The following MTUS2 variants were observed in gnomAD, a reference collection of about 807,000 sequenced individuals.
MTUS2 encodes microtubule-associated tumor suppressor candidate 2.
In MTUS2, 40 loss-of-function variants were observed where a neutral mutation model predicts 114.1. The ratio of observed to expected loss-of-function variants is 0.35; its 90% CI spans 0.27 to 0.46. The LOEUF (loss-of-function observed/expected upper bound fraction) is 0.46. Among genes scored for constraint, MTUS2 ranks in the 20% least tolerant of loss-of-function variants. The pLI, the probability that MTUS2 is intolerant of heterozygous loss-of-function variation, is 1.00. For synonymous variants in MTUS2, 688 were observed against 672.0 expected (o/e 1.02, Z -0.37); for missense variants, 1,679 against 1,705.4 (o/e 0.98, Z 0.27).
intron 8 of MTUS2, among the ~76,000 whole-genome samples, chr13:29,437,856 G>C (rs1225700488): frequency 6.6e-6 from 1 of 152,014 alleles, no homozygotes; most frequent in Non-Finnish European, 1.5e-5. Flanking sequence ...GCTGAGGTGT[G>C]AGGATACATT....
chr13:28,888,051 C>T (rs569004244), intron 2 of MTUS2, among the ~76,000 whole-genome samples: 2 of 152,300 alleles, frequency 1.3e-5, no homozygotes, highest in East Asian at 3.9e-4. Context: ...TTCTGTGAAA[C>T]CTTTCCTACC....
At chr13:29,451,286 G>GA (rs1008721509) in intron 9 of MTUS2, among the ~76,000 whole-genome samples, 34 of 149,328 alleles carry the variant, frequency 2.3e-4, no homozygotes, top group Admixed American at 3.3e-4. Flanking sequence ...AAAAATATCT[G>GA]AAAAAAAAAC....
intron 2 of MTUS2, among the ~76,000 whole-genome samples, chr13:29,010,354 C>G (rs956255550): frequency 6.6e-6 from 1 of 152,230 alleles, no homozygotes; most frequent in Admixed American, 6.5e-5. Flanking sequence ...TTTCTTCTCT[C>G]TTTTCCTCCA....
chr13:29,008,680 C>A (rs757805647), intron 2 of MTUS2, among the ~76,000 whole-genome samples: 1 of 152,132 alleles, frequency 6.6e-6, no homozygotes. Context: ...ACCAAATACT[C>A]GCTTTTACTG....
intron 8 of MTUS2, among the ~76,000 whole-genome samples, chr13:29,366,725 A>G (rs1479905993): frequency 1.3e-5 from 2 of 152,306 alleles, no homozygotes; most frequent in East Asian, 3.9e-4. Flanking sequence ...TGTTTCTAGC[A>G]TATTATTCCT....
At chr13:29,316,174 C>G (rs1051705112) in intron 6 of MTUS2, among the ~76,000 whole-genome samples, 1 of 152,150 alleles carries the variant, frequency 6.6e-6, no homozygotes, top group Non-Finnish European at 1.5e-5. Flanking sequence ...ACTTTACACA[C>G]GTGTGGGGCC....
chr13:29,205,318 G>C (rs1322936672), intron 5 of MTUS2, among the ~76,000 whole-genome samples: 1 of 152,116 alleles, frequency 6.6e-6, no homozygotes, highest in African/African-American at 2.4e-5. Flanking sequence ...GATTTTATGT[G>C]GATTTCCTAA....
chr13:29,039,229 C>A (rs1887230350), intron 4 of MTUS2, among the ~76,000 whole-genome samples: 1 of 152,226 alleles, frequency 6.6e-6, no homozygotes, highest in Non-Finnish European at 1.5e-5. Flanking sequence ...GGGGCTAGCC[C>A]AGGAGCCAGC....
At chr13:29,454,127 A>AACTTGACCAATTCC (rs1195070625) in intron 9 of MTUS2, among the ~76,000 whole-genome samples, 1 of 152,216 alleles carries the variant, frequency 6.6e-6, no homozygotes, top group Admixed American at 6.5e-5. Context: ...ACAAGATGAT[A>AACTTGACCAATTCC]ACTTGACCAA....
intron 6 of MTUS2, among the ~76,000 whole-genome samples, chr13:29,305,459 A>G (rs1381438861): frequency 6.7e-5 from 10 of 150,024 alleles, no homozygotes; most frequent in Admixed American, 6.1e-4. Context: ...GGGGAATATT[A>G]CCACTGACCC....
chr13:29,371,530 C>A (rs1364107808), intron 8 of MTUS2, among the ~76,000 whole-genome samples: 1 of 152,116 alleles, frequency 6.6e-6, no homozygotes, highest in Admixed American at 6.6e-5. Context: ...TTCACATTAA[C>A]CTTTTGATGA....
intron 9 of MTUS2, among the ~76,000 whole-genome samples, chr13:29,451,504 C>T (rs1878678152): frequency 6.6e-6 from 1 of 152,118 alleles, no homozygotes; most frequent in East Asian, 1.9e-4. Context: ...ATATACCAAG[C>T]TCTTTCCTAG....
At chr13:29,290,907 T>C (rs1898684765) in intron 6 of MTUS2, among the ~76,000 whole-genome samples, 1 of 152,202 alleles carries the variant, frequency 6.6e-6, no homozygotes, top group Non-Finnish European at 1.5e-5. Flanking sequence ...AACAAATAGC[T>C]GCCGAATAAA....
intron 5 of MTUS2, among the ~76,000 whole-genome samples, chr13:29,166,719 C>T (rs1893330707): frequency 6.6e-6 from 1 of 152,084 alleles, no homozygotes; most frequent in East Asian, 1.9e-4. Context: ...ACTTTAGCTT[C>T]CTTAAAAAGT....
In MTUS2 at chr13:28,833,433, T is replaced by C. The variant is rs138338509; in HGVS notation, c.-315-6345T>C. Among the ~76,000 whole-genome samples, 423 of 152,218 alleles carry C rather than the reference T, an allele frequency of 2.8e-3. 3 individuals carry two copies. The highest frequency in any genetic ancestry group is 4.9e-3 in the Non-Finnish European group (331 of 67,946). ...GAAAATCAATCAATTTAATATACCATATTAATAGAATAAAATACAGAAACC... is the reference window on the plus strand; with the variant it reads ...GAAAATCAATCAATTTAATATACCACATTAATAGAATAAAATACAGAAACC... On this transcript the variant is annotated intron_variant, in intron 1 of 15. Coordinates refer to ENST00000612955, the MANE Select transcript of MTUS2 (RefSeq NM_001033602.4).
chr13:28,892,380 C>G (rs1048817616), intron 2 of MTUS2, among the ~76,000 whole-genome samples: 1 of 152,072 alleles, frequency 6.6e-6, no homozygotes, highest in Admixed American at 6.6e-5. Flanking sequence ...AAGAGACAAC[C>G]CCCTGGGCAA....
At chr13:29,174,248 A>G (rs8000273) in intron 5 of MTUS2, among the ~76,000 whole-genome samples, 12,785 of 152,086 alleles carry the variant, frequency 0.084, 692 homozygotes, top group African/African-American at 0.14. Context: ...GTTTGGGTGC[A>G]CTCTTCATGT....
chr13:29,502,773 G>A (rs1302281961), intron 15 of MTUS2, among the ~76,000 whole-genome samples: 1 of 152,202 alleles, frequency 6.6e-6, no homozygotes, highest in Admixed American at 6.5e-5. Context: ...GAGGGCCTGT[G>A]GGATGATGGG....
chr13:29,036,680 TCTGGGTGCTC>T (rs1887090510), intron 4 of MTUS2, among the ~76,000 whole-genome samples: 1 of 152,262 alleles, frequency 6.6e-6, no homozygotes, highest in Non-Finnish European at 1.5e-5. Context: ...GCTTTATGAA[TCTGGGTGCTC>T]CTGTATTAGG....
Sources: gnomAD v4.1 joint callset for allele counts (sites outside exome capture counted in the v4.1 genomes callset) on GRCh38, gnomAD v4.1.1 for gene constraint, MANE v1.5 for transcripts, NCBI Gene and HGNC (gene_info 2026-07-23, HGNC 2026-07-21) for gene names.